LHFPL3: variants seen among roughly 807,000 people sequenced by gnomAD.
The protein encoded by LHFPL3 is LHFPL tetraspan subfamily member 3.
LHFPL3 carries 5 observed loss-of-function variants against 19.3 expected under a neutral mutation model. The ratio of observed to expected loss-of-function variants is 0.26; its 90% CI spans 0.14 to 0.54. The LOEUF (loss-of-function observed/expected upper bound fraction) is 0.54. Among genes scored for constraint, LHFPL3 ranks in the 20% least tolerant of loss-of-function variants. The probability of loss-of-function intolerance (pLI) is 0.94; values close to 1 mark genes in which losing one functional copy is unlikely to be tolerated. For missense variants in LHFPL3, 249 were observed against 307.4 expected, an observed-to-expected ratio of 0.81 and a Z score of 1.42; for synonymous variants, 133 against 126.2, an observed-to-expected ratio of 1.05 and a Z score of -0.36.
chr7:104,847,377 C>T (rs1791332414), intron 2 of LHFPL3, among the ~76,000 whole-genome samples: 1 of 152,202 alleles, frequency 6.6e-6, no homozygotes. Flanking sequence ...CCCACATATG[C>T]CAGCTTTCAG....
chr7:104,483,449 T>TA (rs1398969545), intron 1 of LHFPL3, among the ~76,000 whole-genome samples: 1 of 152,236 alleles, frequency 6.6e-6, no homozygotes, highest in Admixed American at 6.5e-5. Context: ...TATGGACTTT[T>TA]AAAACTACAT....
At chr7:104,636,999 C>T (rs958013907) in intron 1 of LHFPL3, among the ~76,000 whole-genome samples, 9 of 152,220 alleles carry the variant, frequency 5.9e-5, no homozygotes, top group African/African-American at 1.9e-4. Context: ...TACATTCCCA[C>T]CAGCAGTGTA....
intron 1 of LHFPL3, among the ~76,000 whole-genome samples, chr7:104,441,161 T>G (rs1232004939): frequency 6.6e-6 from 1 of 152,196 alleles, no homozygotes; most frequent in African/African-American, 2.4e-5. Context: ...CTTTCAGAAC[T>G]AAAATTTTAA....
intron 2 of LHFPL3, among the ~76,000 whole-genome samples, chr7:104,811,799 G>A (rs1790476833): frequency 6.6e-6 from 1 of 152,124 alleles, no homozygotes; most frequent in Non-Finnish European, 1.5e-5. Flanking sequence ...TCATTTTGAA[G>A]GCTAAACCTG....
chr7:104,561,413 A>T (rs1202102614), intron 1 of LHFPL3, among the ~76,000 whole-genome samples: 7 of 150,276 alleles, frequency 4.7e-5, no homozygotes, highest in South Asian at 2.1e-4. Context: ...TTCTTGTTGA[A>T]TTGATCCCTT....
At chr7:104,883,469 C>G (rs1584596733) in intron 2 of LHFPL3, among the ~76,000 whole-genome samples, 1 of 152,238 alleles carries the variant, frequency 6.6e-6, no homozygotes, top group East Asian at 1.9e-4. Flanking sequence ...GGCAGACAGG[C>G]TGTTAAAAAT....
intron 1 of LHFPL3, among the ~76,000 whole-genome samples, chr7:104,580,694 C>T (rs1790443747): frequency 6.6e-6 from 1 of 152,084 alleles, no homozygotes; most frequent in Non-Finnish European, 1.5e-5. Flanking sequence ...TCCTCATACT[C>T]ATCGCAGTCA....
intron 2 of LHFPL3, among the ~76,000 whole-genome samples, chr7:104,747,558 A>T (rs573914042): frequency 2.0e-5 from 3 of 152,362 alleles, no homozygotes; most frequent in South Asian, 4.1e-4. Flanking sequence ...TAAACACAGC[A>T]AGTAAAAGCC....
chr7:104,500,088 G>C (rs1385991237), intron 1 of LHFPL3, among the ~76,000 whole-genome samples: 2 of 152,178 alleles, frequency 1.3e-5, no homozygotes. Context: ...TTCCAGGACT[G>C]ATTCAGTCCG....
chr7:104,567,954 C>T (rs981767635), intron 1 of LHFPL3, among the ~76,000 whole-genome samples: 15 of 152,276 alleles, frequency 9.9e-5, no homozygotes, highest in African/African-American at 3.6e-4. Flanking sequence ...AGTCAAGTTT[C>T]GGGGCACCAA....
chr7:104,814,716 C>T (rs1790532045), intron 2 of LHFPL3, among the ~76,000 whole-genome samples: 1 of 152,238 alleles, frequency 6.6e-6, no homozygotes, highest in African/African-American at 2.4e-5. Context: ...CAGCTTTCCT[C>T]CTATGCTCGT....
chr7:104,513,382 C>A (rs562526172), intron 1 of LHFPL3, among the ~76,000 whole-genome samples: 13 of 152,232 alleles, frequency 8.5e-5, no homozygotes, highest in Non-Finnish European at 1.8e-4. Context: ...TAACTCCCAG[C>A]ATGGAAGGTG....
chr7:104,439,094 C>T (rs1470575598), intron 1 of LHFPL3, among the ~76,000 whole-genome samples: 1 of 152,124 alleles, frequency 6.6e-6, no homozygotes, highest in Non-Finnish European at 1.5e-5. Flanking sequence ...AATTTATTAA[C>T]AACAATTCCC....
intron 2 of LHFPL3, among the ~76,000 whole-genome samples, chr7:104,837,639 A>G (rs1157692676): frequency 6.6e-6 from 1 of 152,076 alleles, no homozygotes; most frequent in Non-Finnish European, 1.5e-5. Flanking sequence ...TTTTATTTCC[A>G]TAGGTTATTG....
At chr7:104,457,405 G>A (rs553648585) in intron 1 of LHFPL3, among the ~76,000 whole-genome samples, 4 of 152,128 alleles carry the variant, frequency 2.6e-5, no homozygotes, top group East Asian at 1.9e-4. Context: ...TACTGAGAAT[G>A]ATTTCCAATT....
intron 1 of LHFPL3, among the ~76,000 whole-genome samples, chr7:104,380,252 A>G (rs777272640): frequency 6.6e-6 from 1 of 152,202 alleles, no homozygotes; most frequent in Non-Finnish European, 1.5e-5. Context: ...AGCACACAGT[A>G]CTTAATAAAT....
intron 1 of LHFPL3, among the ~76,000 whole-genome samples, chr7:104,720,251 T>A (rs1019004263): frequency 5.9e-5 from 9 of 152,140 alleles, no homozygotes; most frequent in African/African-American, 2.2e-4. Flanking sequence ...TCTACAACCA[T>A]CTGATCTTTG....
intron 2 of LHFPL3, among the ~76,000 whole-genome samples, chr7:104,791,357 C>T (rs913652382): frequency 6.6e-6 from 1 of 152,234 alleles, no homozygotes; most frequent in Admixed American, 6.5e-5. Flanking sequence ...TTTAATTAAT[C>T]ATGGAGTTAA....
intron 1 of LHFPL3, among the ~76,000 whole-genome samples, chr7:104,468,735 T>C (rs1296539532): frequency 3.3e-5 from 5 of 150,482 alleles, no homozygotes; most frequent in Admixed American, 2.0e-4. Context: ...CTCGGCTCAC[T>C]GCAACCTCCA....
Sources: allele counts gnomAD v4.1 joint callset (sites outside exome capture counted in the v4.1 genomes callset), GRCh38; gene constraint gnomAD v4.1.1; transcripts MANE v1.5; gene names NCBI Gene and HGNC (gene_info 2026-07-23, HGNC 2026-07-21).